The following ADGRL3 variants were observed in gnomAD, a reference collection of about 807,000 sequenced individuals.
ADGRL3 encodes the protein calcium-independent alpha-latrotoxin receptor 3.
ADGRL3 carries 62 observed loss-of-function variants against 153.5 expected under a neutral mutation model. That is an observed-to-expected ratio of 0.40 (90% confidence interval 0.33 to 0.50). ADGRL3 has a LOEUF of 0.50. Among genes scored for constraint, ADGRL3 ranks in the 20% least tolerant of loss-of-function variants. The pLI is 0.47. For synonymous variants in ADGRL3, 710 were observed against 672.5 expected (o/e 1.06, Z -0.86); for missense variants, 1,641 against 1,859.4 (o/e 0.88, Z 2.16).
intron 19 of ADGRL3, among the ~76,000 whole-genome samples, chr4:61,993,846 T>C (rs983162811): frequency 3.9e-5 from 6 of 152,188 alleles, no homozygotes; most frequent in Non-Finnish European, 7.3e-5. Flanking sequence ...CTGGTTTGTT[T>C]CTGCTTATAT....
intron 3 of ADGRL3, among the ~76,000 whole-genome samples, chr4:61,509,816 G>T (rs1212759711): frequency 1.3e-5 from 2 of 152,048 alleles, no homozygotes; most frequent in Non-Finnish European, 2.9e-5. Flanking sequence ...TAATAGTTCT[G>T]GTTTTAGTTC....
chr4:61,871,042 G>T (rs1420242697), intron 9 of ADGRL3, among the ~76,000 whole-genome samples: 1 of 152,172 alleles, frequency 6.6e-6, no homozygotes, highest in Non-Finnish European at 1.5e-5. Flanking sequence ...TCTTTGGGAG[G>T]CCAAGGCGGG....
intron 2 of ADGRL3, among the ~76,000 whole-genome samples, chr4:61,457,820 G>T (rs2097770078): frequency 6.6e-6 from 1 of 151,314 alleles, no homozygotes; most frequent in Non-Finnish European, 1.5e-5. Flanking sequence ...ATTCCCGAAG[G>T]CCTTGTGTTT....
intron 2 of ADGRL3, among the ~76,000 whole-genome samples, chr4:61,400,751 G>T (rs2096920108): frequency 6.7e-6 from 1 of 150,112 alleles, no homozygotes; most frequent in Non-Finnish European, 1.5e-5. Flanking sequence ...TACAGTGGGG[G>T]TCTTTGATTA....
At chr4:61,698,991 C>T (rs2095697082) in intron 6 of ADGRL3, among the ~76,000 whole-genome samples, 1 of 152,190 alleles carries the variant, frequency 6.6e-6, no homozygotes, top group South Asian at 2.1e-4. Context: ...TCCATTTATA[C>T]TTTCCCGTTC....
At chr4:61,461,635 A>G (rs181759898) in intron 2 of ADGRL3, among the ~76,000 whole-genome samples, 7 of 152,316 alleles carry the variant, frequency 4.6e-5, no homozygotes, top group Admixed American at 4.6e-4. Context: ...TATAAATTTT[A>G]TGTCACAGAA....
In ADGRL3 at chr4:61,813,809, G is replaced by A; in HGVS notation, c.1400G>A (p.Gly467Glu). ...TTAACAATTTGTTTTGGGTCCACAG[G>A]GCAGGCACATCATGGACAAGTTTCA... ...LDFGPLDSRSGQAHHGQVSYI... is the reference protein window; with the variant it reads ...LDFGPLDSRSEQAHHGQVSYI... The change falls in exon 9 of 27, where the codon GGG becomes GAG. Residue 467 changes from glycine to glutamate, a missense_variant and splice_region_variant. Physicochemically the swap from Gly to Glu is moderately conservative, Grantham distance 98. Coordinates refer to ENST00000683033, the MANE Select transcript of ADGRL3 (RefSeq NM_001387552.1). 6 of 1,592,878 alleles carry A rather than the reference G, an allele frequency of 3.8e-6. No individual in the cohort carries two copies. Among genetic ancestry groups the A allele is most frequent in the Non-Finnish European group, 5.2e-6 (6 of 1,160,964 alleles).
At chr4:61,676,011 G>A (rs1046792323) in intron 5 of ADGRL3, among the ~76,000 whole-genome samples, 1 of 151,464 alleles carries the variant, frequency 6.6e-6, no homozygotes, top group Non-Finnish European at 1.5e-5. Context: ...AGCTCCATGG[G>A]TTTAATGGCT....
intron 5 of ADGRL3, among the ~76,000 whole-genome samples, chr4:61,660,049 A>C (rs1165018305): frequency 6.6e-6 from 1 of 152,174 alleles, no homozygotes; most frequent in Admixed American, 6.5e-5. Context: ...ATTTGTGTGG[A>C]ACACACCTTA....
At chr4:61,276,466 G>A (rs1034625509) in intron 1 of ADGRL3, among the ~76,000 whole-genome samples, 18 of 152,120 alleles carry the variant, frequency 1.2e-4, no homozygotes, top group African/African-American at 4.3e-4. Flanking sequence ...CACTAGTGAC[G>A]ATTTTACAGA....
chr4:61,790,628 A>C (rs573113807), intron 8 of ADGRL3, among the ~76,000 whole-genome samples: 65 of 152,344 alleles, frequency 4.3e-4, no homozygotes, highest in Middle Eastern at 3.4e-3. Flanking sequence ...TCTGATGGAA[A>C]TATGTCTTAA....
intron 5 of ADGRL3, among the ~76,000 whole-genome samples, chr4:61,625,535 C>A (rs1276714699): frequency 2.6e-5 from 4 of 152,002 alleles, no homozygotes; most frequent in Admixed American, 6.6e-5. Context: ...TTTATAATTT[C>A]TCTCTATACA....
intron 2 of ADGRL3, among the ~76,000 whole-genome samples, chr4:61,477,469 C>G (rs563410182): frequency 2.6e-4 from 40 of 152,266 alleles, no homozygotes; most frequent in African/African-American, 8.9e-4. Context: ...AATAAATTAT[C>G]TGCACCAAAG....
At chr4:61,710,529 G>A (rs1441407358) in intron 6 of ADGRL3, among the ~76,000 whole-genome samples, 2 of 152,164 alleles carry the variant, frequency 1.3e-5, no homozygotes, top group African/African-American at 4.8e-5. Flanking sequence ...CAACAGAACT[G>A]TAGCAGTTTA....
In ADGRL3 at chr4:62,037,842, T is replaced by A. The variant is rs372719282; in HGVS notation, c.3703T>A (p.Ser1235Thr). The A allele has an allele frequency of 1.6e-5, 26 of 1,613,602 alleles. 1 individual carries two copies. The African/African-American group carries it at 3.3e-4, about 21-fold the overall frequency. The change falls in exon 24 of 27, where the codon TCC (serine) becomes ACC (threonine). Residue 1235 changes from serine to threonine, a missense_variant. Around this residue, in one of 5 missense-constraint regions of ADGRL3, gnomAD observed 517 missense variants for 555.0 expected, o/e 0.93. Coordinates refer to ENST00000683033, the MANE Select transcript of ADGRL3 (RefSeq NM_001387552.1). ...TGGTTCTCGAACTCCTGGACGCTAC[T>A]CCACAGGCTCACAGGTAAACAATAT... ...TSGSRTPGRY[S>T]TGSQSRIRRM...
chr4:61,558,598 A>G (rs1437534385), intron 4 of ADGRL3, among the ~76,000 whole-genome samples: 2 of 151,768 alleles, frequency 1.3e-5, no homozygotes, highest in Non-Finnish European at 2.9e-5. Flanking sequence ...AACATCTATC[A>G]TCTATCCATC....
intron 15 of ADGRL3, among the ~76,000 whole-genome samples, chr4:61,936,577 T>TACA (rs1316506071): frequency 1.7e-4 from 26 of 152,134 alleles, no homozygotes; most frequent in African/African-American, 6.3e-4. Context: ...ATAATTAAAA[T>TACA]TCAATAAATA....
intron 17 of ADGRL3, among the ~76,000 whole-genome samples, chr4:61,973,943 G>A (rs1279300389): frequency 6.6e-6 from 1 of 152,088 alleles, no homozygotes; most frequent in African/African-American, 2.4e-5. Context: ...GTCTTCATCT[G>A]CTTTCTTCGG....
At chr4:61,985,710 T>G (rs1446858676) in intron 19 of ADGRL3, among the ~76,000 whole-genome samples, 1 of 152,188 alleles carries the variant, frequency 6.6e-6, no homozygotes, top group African/African-American at 2.4e-5. Flanking sequence ...TATGCTATTT[T>G]AAGCACCAAC....
Sources: gnomAD v4.1 joint callset for allele counts (sites outside exome capture counted in the v4.1 genomes callset) on GRCh38, gnomAD v4.1.1 for gene constraint, gnomAD v4.1.1 regional missense constraint, MANE v1.5 for transcripts, NCBI Gene and HGNC (gene_info 2026-07-23, HGNC 2026-07-21) for gene names.